The following CPZ variants were observed in gnomAD, a reference collection of about 807,000 sequenced individuals.
The protein encoded by CPZ is VEZT/CPZ fusion.
In CPZ, 103 loss-of-function variants were observed where a neutral mutation model predicts 61.8. The ratio of observed to expected loss-of-function variants is 1.67; its 90% CI spans 1.42 to 1.96. The LOEUF (loss-of-function observed/expected upper bound fraction) is 1.96. Among genes scored for constraint, CPZ ranks in the 30% most tolerant of loss-of-function variants. CPZ has a pLI of 0.00. For synonymous variants in CPZ, 551 were observed against 373.7 expected, an observed-to-expected ratio of 1.47 and a Z score of -5.47; for missense variants, 1,461 against 914.9, an observed-to-expected ratio of 1.60 and a Z score of -7.70.
chr4:8,604,615 G>A (rs536981820), intron 4 of CPZ, among the ~76,000 whole-genome samples: 36 of 152,210 alleles, frequency 2.4e-4, no homozygotes, highest in African/African-American at 6.3e-4. Flanking sequence ...CCGAGTAGCC[G>A]GGACTCCAGG....
At chr4:8,613,414 G>A (rs1669400579) in intron 8 of CPZ, among the ~76,000 whole-genome samples, 1 of 152,224 alleles carries the variant, frequency 6.6e-6, no homozygotes, top group African/African-American at 2.4e-5. Flanking sequence ...ATAGGCGTGA[G>A]CCACTGCACC....
rs1560297626 is a variant in CPZ, at chr4:8,609,047, C to CTCACCCATTCA, written c.1227+1622_1227+1623insTCACCCATTCA. On this transcript the variant is annotated intron_variant, in intron 7 of 10. Transcript: ENST00000360986. Reference sequence around the variant, plus strand: ...CACTCCTTCACTCACCCATTCACTCCCTCCCTCCCTCACTCCCTCACTCAC... The same window carrying CTCACCCATTCA: ...CACTCCTTCACTCACCCATTCACTCCTCACCCATTCACTCCCTCCCTCACTCCCTCACTCAC... Among the ~76,000 whole-genome samples the CTCACCCATTCA allele has an allele frequency of 0.013, 361 of 28,318 alleles. 3 individuals carry two copies. In the Middle Eastern group the frequency reaches 0.13, roughly 10 times the overall value. The allele number at this position is 28,318 out of a possible 152,430, so 18.6% of individuals were successfully genotyped here. A position where few individuals can be genotyped will look rare whatever the true frequency, so the allele number is the denominator to read the frequency against.
At chr4:8,600,984 T>C in intron 2 of CPZ, 139 bp from the exon 3 acceptor site, 2 of 1,415,398 alleles carry the variant, frequency 1.4e-6, no homozygotes, top group Non-Finnish European at 1.8e-6. Context: ...GTAGCTGTTG[T>C]CCTGGTCCTC....
chr4:8,617,324 C>G (rs566447587), intron 9 of CPZ, among the ~76,000 whole-genome samples: 4 of 152,300 alleles, frequency 2.6e-5, no homozygotes, highest in Admixed American at 2.0e-4. Flanking sequence ...ACAGTCACTA[C>G]GGCAGAGCTG....
In CPZ at chr4:8,601,118, C is replaced by T. The variant is rs1333207917; in HGVS notation, c.122-5C>T. 1 of 1,562,024 alleles carries T rather than the reference C, an allele frequency of 6.4e-7. No individual in the cohort carries two copies. Among genetic ancestry groups the T allele is most frequent in the East Asian group, 2.3e-5 (1 of 43,898 alleles). On this transcript the variant is annotated splice_polypyrimidine_tract_variant and splice_region_variant and intron_variant, in intron 2 of 10. Transcript: ENST00000360986. ...GGGACTGACCTGCCGACCCTGCCTC[C>T]CCAGCCACCTGCGTGGACCTGCAGC...
chr4:8,601,356 C>G lies in CPZ; in HGVS notation c.355C>G (p.Arg119Gly), dbSNP rs139335228. 3 of 1,603,638 alleles carry G rather than the reference C, an allele frequency of 1.9e-6. No homozygotes were observed. The highest frequency in any genetic ancestry group is 1.7e-5 in the Admixed American group (1 of 59,568). ...GGGCGGCTGGGTGCGCAGACCCTGC[C>G]GGCACATCTGCGAGGGCCTGCGGGA... ...CEGGWVRRPC[R>G]HICEGLREVC... Residue 119 changes from arginine (R) to glycine (G), a missense_variant, in exon 3 of 11, where the codon CGG becomes GGG. Physicochemically the swap from Arg to Gly is moderately radical, Grantham distance 125. Coordinates refer to ENST00000360986, the MANE Select transcript of CPZ (RefSeq NM_001014447.3).
intron 7 of CPZ, among the ~76,000 whole-genome samples, chr4:8,610,900 C>A (rs1715597177): frequency 6.6e-6 from 1 of 152,190 alleles, no homozygotes; most frequent in South Asian, 2.1e-4. Flanking sequence ...CAACCCCAAA[C>A]CTCACGTCTG....
intron 9 of CPZ, among the ~76,000 whole-genome samples, chr4:8,617,665 G>A (rs984707817): frequency 3.1e-4 from 47 of 152,244 alleles, no homozygotes; most frequent in African/African-American, 2.9e-4. Flanking sequence ...GCCCCGTGCA[G>A]GGCCCGGGCA....
chr4:8,615,025 C>T (rs922113667), intron 9 of CPZ, among the ~76,000 whole-genome samples: 17 of 151,826 alleles, frequency 1.1e-4, no homozygotes, highest in Admixed American at 5.9e-4. Flanking sequence ...CTCCAGGAGG[C>T]GCAGAAGTGA....
At chr4:8,597,245 CCCTGTGTGGATGCCAG>C (rs1714242624) in intron 1 of CPZ, among the ~76,000 whole-genome samples, 1 of 152,216 alleles carries the variant, frequency 6.6e-6, no homozygotes, top group African/African-American at 2.4e-5. Context: ...TCACACAGGG[CCCTGTGTGGATGCCAG>C]CCTTTTATCT....
intron 7 of CPZ, 37 bp downstream of exon 7, chr4:8,607,462 C>T (rs552434716): frequency 3.9e-5 from 62 of 1,604,518 alleles, no homozygotes; most frequent in African/African-American, 5.3e-5. Flanking sequence ...GGGAGGGAGA[C>T]AGTGTGCGCG....
intron 2 of CPZ, chr4:8,599,772 C>T (rs1714438687): frequency 1.8e-6 from 1 of 551,564 alleles, no homozygotes; most frequent in Admixed American, 3.9e-5. Flanking sequence ...AGTCACACGT[C>T]CTGCATTTGG....
At chr4:8,614,326 A>C (rs1207796858) in intron 8 of CPZ, 33 bp from the exon 9 acceptor site, 1 of 1,599,442 alleles carries the variant, frequency 6.3e-7, no homozygotes, top group Non-Finnish European at 8.5e-7. Context: ...TGCGGCTGAC[A>C]CCCCTGACGT....
At chr4:8,604,302 G>C in intron 4 of CPZ, 114 bp downstream of exon 4, 1 of 983,508 alleles carries the variant, frequency 1.0e-6, no homozygotes, top group Non-Finnish European at 1.5e-6. Flanking sequence ...AGAGCTGGGG[G>C]CCTCAGGGAG....
chr4:8,611,302 C>T (rs1418939402), intron 7 of CPZ: 2 of 456,042 alleles, frequency 4.4e-6, no homozygotes, highest in Admixed American at 2.3e-5. Flanking sequence ...GCCCAGAGCC[C>T]CCACAAAGGA....
intron 9 of CPZ, chr4:8,618,112 C>A (rs113105733): frequency 0.017 from 5,599 of 339,046 alleles, 154 homozygotes; most frequent in East Asian, 0.095. Flanking sequence ...GAATGCCGAT[C>A]AGGCAGAAGA....
Position 8,619,335 on chromosome 4 carries a change from C to T in CPZ, c.1677C>T (p.Ala559=). Residue 559 remains alanine (A), a synonymous_variant, in exon 11 of 11, where the codon GCC becomes GCT. Transcript: ENST00000360986. ...HIVIAQAPGY[A]KVIKKVIIPA... is the part of the protein sequence containing the mutation. ...TCATTGCCCAAGCCCCTGGCTACGC[C>T]AAAGTCATCAAGAAAGTCATCATCC... 1 of 1,614,172 alleles carries T rather than the reference C, an allele frequency of 6.2e-7. No individual in the cohort carries two copies. Among genetic ancestry groups the T allele is most frequent in the East Asian group, 2.2e-5 (1 of 44,886 alleles).
At chr4:8,596,060 C>CTT (rs58072015) in intron 1 of CPZ, among the ~76,000 whole-genome samples, 9 of 142,142 alleles carry the variant, frequency 6.3e-5, no homozygotes, top group African/African-American at 2.1e-4. Context: ...ACTGTTGTTG[C>CTT]TTTTTTTTTT....
chr4:8,613,475 G>A (rs549581710), intron 8 of CPZ, among the ~76,000 whole-genome samples: 15 of 152,266 alleles, frequency 9.9e-5, no homozygotes, highest in Admixed American at 3.3e-4. Context: ...GCATGAAGCC[G>A]GGGACCAGAG....
Sources: gnomAD v4.1 joint callset for allele counts (sites outside exome capture counted in the v4.1 genomes callset) on GRCh38, gnomAD v4.1.1 for gene constraint, MANE v1.5 for transcripts, NCBI Gene and HGNC (gene_info 2026-07-23, HGNC 2026-07-21) for gene names.